The following PLB1 variants were observed in gnomAD, a reference collection of about 807,000 sequenced individuals.
PLB1 encodes the protein phospholipase B1, membrane-associated.
A neutral mutation model predicts 227.4 loss-of-function variants in PLB1; 242 were observed. The ratio of observed to expected loss-of-function variants is 1.06; its 90% CI spans 0.96 to 1.18. The LOEUF (loss-of-function observed/expected upper bound fraction) is 1.18. Ranked by LOEUF, PLB1 falls within the 50% of genes most tolerant of loss-of-function variation. The pLI, the probability that PLB1 is intolerant of heterozygous loss-of-function variation, is 0.00. For synonymous variants in PLB1, 757 were observed against 682.2 expected (o/e 1.11, Z -1.71); for missense variants, 1,858 against 1,816.3 (o/e 1.02, Z -0.42).
chr2:28,596,807 C>A (rs75265646), intron 33 of PLB1, among the ~76,000 whole-genome samples: 11,433 of 152,270 alleles, frequency 0.075, 1,235 homozygotes, highest in African/African-American at 0.24. Flanking sequence ...CTCTCTACCA[C>A]CTGAATTGCT....
At chr2:28,630,563 A>G (rs768504134) in intron 53 of PLB1, 23 bp from the exon 54 acceptor site, 61 of 1,608,680 alleles carry the variant, frequency 3.8e-5, no homozygotes, top group African/African-American at 5.4e-5. Flanking sequence ...GGCAGCCTCA[A>G]TACAACACTC....
chr2:28,574,549 A>ATT (rs55675067), intron 21 of PLB1, among the ~76,000 whole-genome samples: 10 of 130,160 alleles, frequency 7.7e-5, no homozygotes, highest in South Asian at 5.1e-4. Flanking sequence ...TTCCCGGCTA[A>ATT]TTTTTTTTTT....
Position 28,571,163 on chromosome 2 carries a change from TATA to T in PLB1, c.1325-2031_1325-2029del, listed in dbSNP as rs1188111236. Among the ~76,000 whole-genome samples the T allele has an allele frequency of 5.9e-5, 9 of 152,340 alleles. No homozygotes were observed. The East Asian group carries it at 1.5e-3, about 26-fold the overall frequency. On this transcript the variant is annotated intron_variant, in intron 20 of 57. Transcript: ENST00000327757. ...TACAAATCAATATACAAAAATCAAT[TATA>T]ATTCTTTATACTAGCAATTAATATG...
intron 15 of PLB1, 31 bp downstream of exon 15, chr2:28,548,962 T>C (rs531907327): frequency 1.2e-6 from 2 of 1,608,592 alleles, no homozygotes; most frequent in East Asian, 4.5e-5. Flanking sequence ...GAGGGACTCT[T>C]ATTGAATCGA....
At chr2:28,625,248 A>C in intron 50 of PLB1, 140 bp downstream of exon 50, 1 of 772,484 alleles carries the variant, frequency 1.3e-6, no homozygotes, top group Non-Finnish European at 2.0e-6. Context: ...AGCAGTCCTT[A>C]CCAAGGAGGC....
chr2:28,529,644 C>T, intron 7 of PLB1, 84 bp from the exon 8 acceptor site: 1 of 1,388,792 alleles, frequency 7.2e-7, no homozygotes, highest in South Asian at 1.2e-5. Context: ...AGACTGACAC[C>T]TGAGCTATGG....
At chr2:28,615,965 A>G (rs1042438559) in intron 44 of PLB1, among the ~76,000 whole-genome samples, 1 of 152,252 alleles carries the variant, frequency 6.6e-6, no homozygotes, top group African/African-American at 2.4e-5. Context: ...AAGTGAAATA[A>G]GTCAGGCACA....
intron 13 of PLB1, among the ~76,000 whole-genome samples, chr2:28,542,656 G>A (rs1400850322): frequency 1.3e-5 from 2 of 152,114 alleles, no homozygotes; most frequent in Non-Finnish European, 2.9e-5. Context: ...GAAGGGAGGG[G>A]AATCTCAGTT....
intron 56 of PLB1, among the ~76,000 whole-genome samples, chr2:28,634,558 A>G (rs935257901): frequency 3.9e-5 from 6 of 152,328 alleles, no homozygotes; most frequent in Admixed American, 3.3e-4. Flanking sequence ...CTGGATAGCC[A>G]TAGTGACGGC....
intron 20 of PLB1, among the ~76,000 whole-genome samples, chr2:28,570,492 A>G (rs1677824076): frequency 6.8e-6 from 1 of 147,950 alleles, no homozygotes; most frequent in South Asian, 2.2e-4. Flanking sequence ...AATGATAGAA[A>G]CACTCAACAA....
intron 26 of PLB1, among the ~76,000 whole-genome samples, 173 bp downstream of exon 26, chr2:28,586,015 T>C (rs1680850020): frequency 6.6e-6 from 1 of 152,184 alleles, no homozygotes. Flanking sequence ...ACTTGGTTTG[T>C]ATGAATTGCA....
intron 49 of PLB1, 97 bp downstream of exon 49, chr2:28,621,075 C>A: frequency 1.0e-6 from 1 of 989,784 alleles, no homozygotes; most frequent in Non-Finnish European, 1.5e-6. Context: ...GAAGCCTGGT[C>A]CCAGGGGCAA....
chr2:28,537,128 C>T (rs1408792136), intron 9 of PLB1, among the ~76,000 whole-genome samples: 1 of 152,066 alleles, frequency 6.6e-6, no homozygotes, highest in East Asian at 1.9e-4. Context: ...ACCCGGCCTC[C>T]CAGAAGCCAG....
At chr2:28,512,392 A>C (rs1668384363) in intron 1 of PLB1, among the ~76,000 whole-genome samples, 1 of 152,086 alleles carries the variant, frequency 6.6e-6, no homozygotes, top group Admixed American at 6.6e-5. Context: ...AATACATATA[A>C]TAGCTGCTTT....
intron 1 of PLB1, among the ~76,000 whole-genome samples, chr2:28,512,626 C>CT (rs1441863439): frequency 6.6e-6 from 1 of 151,184 alleles, no homozygotes; most frequent in Non-Finnish European, 1.5e-5. Context: ...ACTGTGAAAT[C>CT]TGTCTCTCTA....
In PLB1 at chr2:28,516,863, G is replaced by A; in HGVS notation, c.111G>A (p.Trp37Ter). ...AGAGTACATTGGAAGGGCAGCTATG[G>A]CCAGAGGTAAGGGCTTTGGCTGGTG... Reference protein sequence around the residue: ...PRKSTLEGQLWPETLKNSPFP... With the variant: ...PRKSTLEGQL Residue 37 changes from tryptophan to a stop codon, truncating the protein, a stop_gained, in exon 2 of 58, where the codon TGG (tryptophan) becomes TGA (stop). Transcript: ENST00000327757. LOFTEE classifies it high-confidence loss of function. 1 of 1,613,812 alleles carries A rather than the reference G, an allele frequency of 6.2e-7. No individual in the cohort carries two copies. Among genetic ancestry groups the A allele is most frequent in the Non-Finnish European group, 8.5e-7 (1 of 1,179,698 alleles).
intron 19 of PLB1, among the ~76,000 whole-genome samples, chr2:28,566,130 C>T (rs1573008929): frequency 6.6e-6 from 1 of 152,186 alleles, no homozygotes; most frequent in Non-Finnish European, 1.5e-5. Flanking sequence ...CTCTATCTGA[C>T]ACCTGCTTTA....
At chr2:28,549,167 G>A (rs1292667313) in intron 15 of PLB1, among the ~76,000 whole-genome samples, 6 of 152,174 alleles carry the variant, frequency 3.9e-5, no homozygotes, top group Non-Finnish European at 8.8e-5. Flanking sequence ...ATAGGAACAA[G>A]GCCACAGCTC....
intron 33 of PLB1, among the ~76,000 whole-genome samples, chr2:28,596,588 ACTT>A (rs1378921760): frequency 1.3e-5 from 2 of 152,242 alleles, no homozygotes; most frequent in African/African-American, 2.4e-5. Context: ...ATAAATTTAT[ACTT>A]CTTTTCAAAT....
Sources: allele counts gnomAD v4.1 joint callset (sites outside exome capture counted in the v4.1 genomes callset), GRCh38; gene constraint gnomAD v4.1.1; transcripts MANE v1.5; gene names NCBI Gene and HGNC (gene_info 2026-07-23, HGNC 2026-07-21).